Variants in CAPN8 observed in about 807,000 individuals in gnomAD.
CAPN8 encodes calpain-8.
In CAPN8, 87 loss-of-function variants were observed where a neutral mutation model predicts 80.9. That is an observed-to-expected ratio of 1.07 (90% CI 0.90 to 1.28). The LOEUF (loss-of-function observed/expected upper bound fraction) is 1.28, where lower values mean the gene tolerates loss of function less well. Ranked by LOEUF, CAPN8 falls within the 50% of genes most tolerant of loss-of-function variation. CAPN8 has a pLI of 0.00. For missense variants in CAPN8, 757 were observed against 702.0 expected (o/e 1.08, Z -0.89); for synonymous variants, 299 against 273.8 (o/e 1.09, Z -0.91).
intron 13 of CAPN8, among the ~76,000 whole-genome samples, chr1:223,555,631 C>A (rs1656886462): frequency 6.6e-6 from 1 of 151,998 alleles, no homozygotes; most frequent in Non-Finnish European, 1.5e-5. Flanking sequence ...TAATATTCTC[C>A]ATGTCTGGAA....
In CAPN8 at chr1:223,628,095, C is replaced by T. The variant is rs1394703854; in HGVS notation, c.474G>A (p.Leu158=). The part of the protein sequence containing the change: ...EWVEVVIDDR[L]PTKNGQLLFL... The stretch of plus-strand genomic sequence containing the variant: ...AGAGCAGCTGTCCATTCTTGGTGGG[C>T]AGCCTGTCGTCAATGACCACCTCCA... Residue 158 remains leucine, a synonymous_variant, in exon 4 of 21, where the codon CTG becomes CTA. Coordinates refer to ENST00000366872, the MANE Select transcript of CAPN8 (RefSeq NM_001143962.2). 1.9e-6 allele frequency: 3 copies of T among 1,551,206 alleles called. No individual in the cohort carries two copies. The highest frequency in any genetic ancestry group is 2.6e-6 in the Non-Finnish European group (3 of 1,146,874).
intron 3 of CAPN8, 101 bp from the exon 4 acceptor site, chr1:223,628,243 C>T (rs907890988): frequency 1.5e-5 from 20 of 1,331,590 alleles, no homozygotes; most frequent in Admixed American, 2.7e-5. Context: ...CATCAGTGTT[C>T]GAGTCTTGGC....
At chr1:223,547,613 G>C (rs144737606) in intron 16 of CAPN8, among the ~76,000 whole-genome samples, 9 of 152,316 alleles carry the variant, frequency 5.9e-5, no homozygotes, top group Admixed American at 4.6e-4. Flanking sequence ...TGTATGGTGT[G>C]TAAATGATAT....
At chr1:223,629,197 A>AGAGTGTGTGTGTGTGTGT (rs373877760) in intron 2 of CAPN8, among the ~76,000 whole-genome samples, 2 of 95,240 alleles carry the variant, frequency 2.1e-5, no homozygotes, top group South Asian at 3.7e-4. Context: ...TACGTGTAAG[A>AGAGTGTGTGTGTGTGTGT]GTGTGTGTGT....
intron 13 of CAPN8, among the ~76,000 whole-genome samples, chr1:223,557,027 C>T (rs1340701716): frequency 2.0e-5 from 3 of 152,134 alleles, no homozygotes; most frequent in Non-Finnish European, 4.4e-5. Context: ...GCCACCAACT[C>T]GAGGCAGGGG....
chr1:223,639,722 T>C (rs555571649), intron 2 of CAPN8, among the ~76,000 whole-genome samples: 13 of 152,374 alleles, frequency 8.5e-5, no homozygotes, highest in African/African-American at 3.1e-4. Flanking sequence ...ATAAACTTTG[T>C]CACATTTATT....
intron 2 of CAPN8, chr1:223,642,923 C>T (rs1658081904): frequency 4.7e-6 from 2 of 424,784 alleles, no homozygotes; most frequent in Non-Finnish European, 4.6e-6. Flanking sequence ...ACCTTTAATG[C>T]TACTTAGAGG....
intron 9 of CAPN8, chr1:223,617,864 C>A: frequency 5.4e-6 from 1 of 183,992 alleles, no homozygotes; most frequent in Non-Finnish European, 1.1e-5. Flanking sequence ...TTCCCAGAGT[C>A]TAAATCAAGC....
intron 2 of CAPN8, among the ~76,000 whole-genome samples, chr1:223,653,081 G>A (rs1658384154): frequency 6.6e-6 from 1 of 151,600 alleles, no homozygotes; most frequent in Admixed American, 6.6e-5. Flanking sequence ...GTGTCCCTGA[G>A]ACACATGCAT....
chr1:223,665,669 A>G lies in CAPN8; in HGVS notation c.-23T>C, dbSNP rs1281017383. 1 of 1,538,346 alleles carries G rather than the reference A, an allele frequency of 6.5e-7. No homozygotes were observed. Among genetic ancestry groups the G allele is most frequent in the Admixed American group, 2.0e-5 (1 of 50,932 alleles). On this transcript the variant is annotated 5_prime_UTR_variant, in exon 1 of 21. Transcript: ENST00000366872. Reference sequence around the variant, plus strand: ...CATGGCCGTGGGCTCTGTAGGGTGGACAGAAGGGCAGGGCTGCACTGTACT... The same window carrying G: ...CATGGCCGTGGGCTCTGTAGGGTGGGCAGAAGGGCAGGGCTGCACTGTACT...
chr1:223,626,677 TG>T (rs1448501373), intron 5 of CAPN8, among the ~76,000 whole-genome samples: 1 of 152,072 alleles, frequency 6.6e-6, no homozygotes, highest in African/African-American at 2.4e-5. Flanking sequence ...AGGTAGCAAA[TG>T]GGGGGCCTAG....
chr1:223,636,978 G>A (rs1307344263), intron 2 of CAPN8, among the ~76,000 whole-genome samples: 1 of 152,038 alleles, frequency 6.6e-6, no homozygotes, highest in African/African-American at 2.4e-5. Context: ...ATCAAATTTT[G>A]GCATTCAAAG....
chr1:223,544,168 C>G lies in CAPN8; in HGVS notation c.1928G>C (p.Ser643Thr). Reference sequence around the variant, plus strand: ...CAGGGCAATGGTCTGCTGCACCTGGCTGTTGAGGGTGAAACCTGAGGGCAG... The same window carrying G: ...CAGGGCAATGGTCTGCTGCACCTGGGTGTTGAGGGTGAAACCTGAGGGCAG... ...ALRKAGFTLN[S>T]QVQQTIALRY... The change falls in exon 19 of 21, where the codon AGC (serine) becomes ACC (threonine). Residue 643 changes from serine (S) to threonine (T), a missense_variant. By Grantham distance (58) the Ser-to-Thr change is moderately conservative. Coordinates refer to ENST00000366872, the MANE Select transcript of CAPN8 (RefSeq NM_001143962.2). 1.4e-6 allele frequency: 1 copy of G among 718,138 alleles called. No individual in the cohort carries two copies. The highest frequency in any genetic ancestry group is 2.6e-6 in the Non-Finnish European group (1 of 385,088). 44.5% of individuals were successfully genotyped at this position (718,138 alleles called of 1,614,324 possible).
At chr1:223,663,988 T>C (rs548050692) in intron 1 of CAPN8, among the ~76,000 whole-genome samples, 1 of 152,350 alleles carries the variant, frequency 6.6e-6, no homozygotes, top group South Asian at 2.1e-4. Flanking sequence ...GGTCATTTCA[T>C]AGCCCCTCTC....
At chr1:223,546,400 T>C (rs1656623671) in intron 16 of CAPN8, among the ~76,000 whole-genome samples, 1 of 152,152 alleles carries the variant, frequency 6.6e-6, no homozygotes, top group African/African-American at 2.4e-5. Context: ...CATCTCTGAA[T>C]AAATAATTAG....
intron 6 of CAPN8, among the ~76,000 whole-genome samples, chr1:223,625,115 A>T (rs995527993): frequency 1.3e-5 from 2 of 152,188 alleles, no homozygotes; most frequent in Non-Finnish European, 2.9e-5. Context: ...ATAAAAATAA[A>T]AAAAAATAAT....
At chr1:223,643,329 C>T (rs1047142777) in intron 2 of CAPN8, among the ~76,000 whole-genome samples, 1 of 152,164 alleles carries the variant, frequency 6.6e-6, no homozygotes, top group South Asian at 2.1e-4. Flanking sequence ...CTGAGGTTTC[C>T]AAATATACAT....
chr1:223,614,394 C>T (rs1428615266), intron 10 of CAPN8, among the ~76,000 whole-genome samples: 1 of 139,442 alleles, frequency 7.2e-6, no homozygotes, highest in Non-Finnish European at 1.6e-5. Context: ...AGTGAGAGTC[C>T]GTCTCAAAAA....
chr1:223,663,627 G>A (rs1658709308), intron 1 of CAPN8, among the ~76,000 whole-genome samples: 1 of 152,182 alleles, frequency 6.6e-6, no homozygotes, highest in Non-Finnish European at 1.5e-5. Flanking sequence ...AAAACTGTCT[G>A]TTGAAATGAA....
Sources: gnomAD v4.1 joint callset for allele counts (sites outside exome capture counted in the v4.1 genomes callset) on GRCh38, gnomAD v4.1.1 for gene constraint, MANE v1.5 for transcripts, NCBI Gene and HGNC (gene_info 2026-07-23, HGNC 2026-07-21) for gene names.